Variants in BDP1 observed in about 807,000 individuals in gnomAD.
BDP1 encodes the protein transcription factor TFIIIB component B'' homolog.
BDP1 carries 169 observed loss-of-function variants against 266.6 expected under a neutral mutation model. The ratio of observed to expected loss-of-function variants is 0.63; its 90% CI spans 0.56 to 0.72. The LOEUF is 0.72. Ranked by LOEUF, BDP1 falls within the 30% of genes least tolerant of loss-of-function variation. The pLI is 0.00. For synonymous variants in BDP1, 1,090 were observed against 1,022.4 expected (o/e 1.07, Z -1.26); for missense variants, 3,015 against 3,053.8 (o/e 0.99, Z 0.30).
chr5:71,512,726 G>C (rs1045330481), intron 18 of BDP1, among the ~76,000 whole-genome samples: 1 of 152,030 alleles, frequency 6.6e-6, no homozygotes, highest in East Asian at 1.9e-4. Flanking sequence ...TGGTTTTCAG[G>C]ATCTGCCAGA....
At chr5:71,542,646 A>G (rs1022113690) in intron 30 of BDP1, among the ~76,000 whole-genome samples, 3 of 151,908 alleles carry the variant, frequency 2.0e-5, no homozygotes, top group Non-Finnish European at 4.4e-5. Flanking sequence ...CTTGAGCCCA[A>G]GAGTTCGAGG....
rs566811875 is a variant in BDP1, at chr5:71,496,242, A to C, written c.1799+834A>C. On this transcript the variant is annotated intron_variant, in intron 12 of 38. Transcript: ENST00000358731. ...GGGCGACAGAGCGAGACTCCATTTC[A>C]AAAAAAAAAAAAAAAGAAAGCTATT... Among the ~76,000 whole-genome samples, 10 of 39,244 alleles carry C rather than the reference A, an allele frequency of 2.5e-4. No homozygotes were observed. In the South Asian group the frequency reaches 5.3e-3, roughly 21 times the overall value. 25.7% of individuals were successfully genotyped at this position (39,244 alleles called of 152,430 possible). A position where few individuals can be genotyped will look rare whatever the true frequency, so the allele number is the denominator to read the frequency against.
At chr5:71,457,673 C>T (rs1561659625) in intron 1 of BDP1, among the ~76,000 whole-genome samples, 1 of 151,968 alleles carries the variant, frequency 6.6e-6, no homozygotes, top group Non-Finnish European at 1.5e-5. Flanking sequence ...TATATTCTGT[C>T]ATTATGCATT....
In BDP1 at chr5:71,551,527, G is replaced by A. The variant is rs531724620; in HGVS notation, c.6996-1589G>A. ...TGTCTACTTCTTTCTACACAGACAC[G>A]GCAACCATCCGATTTCTCAATCTTT... On this transcript the variant is annotated intron_variant, in intron 34 of 38. Coordinates refer to ENST00000358731, the MANE Select transcript of BDP1 (RefSeq NM_018429.3). Among the ~76,000 whole-genome samples the A allele has an allele frequency of 2.8e-4, 43 of 152,268 alleles. 1 individual carries two copies. Among genetic ancestry groups the A allele is most frequent in the Middle Eastern group, 6.8e-3 (2 of 294 alleles).
chr5:71,508,237 T>C (rs1166381229), intron 16 of BDP1, among the ~76,000 whole-genome samples: 1 of 152,200 alleles, frequency 6.6e-6, no homozygotes, highest in Non-Finnish European at 1.5e-5. Context: ...AATGCTGGGA[T>C]TACAGGCTGA....
intron 6 of BDP1, among the ~76,000 whole-genome samples, chr5:71,469,842 C>CT (rs35377501): frequency 0.44 from 54,392 of 123,678 alleles, 12,140 homozygotes; most frequent in South Asian, 0.54. Flanking sequence ...GTCTCAAACT[C>CT]TTTTTTTTTT....
rs73775118 is a variant in BDP1 at position 71,510,456 on chromosome 5, G to A, written c.3364G>A (p.Gly1122Arg). The A allele has an allele frequency of 3.3e-3, 5,340 of 1,613,498 alleles. 12 individuals are homozygous for A. The highest frequency in any genetic ancestry group is 4.2e-3 in the Non-Finnish European group (4,959 of 1,179,898). ...AATGCAAACAGATTTGAAAGCAACC[G>A]GAAGGGAGATTTCCCCAAGGGAGAA... is the stretch of plus-strand genomic sequence containing the variant. Reference protein sequence around the residue: ...GEMQTDLKATGREISPREKTP... With the variant: ...GEMQTDLKATRREISPREKTP... Residue 1122 changes from glycine to arginine, a missense_variant, in exon 17 of 39, where the codon GGA becomes AGA. By Grantham distance (125) the Gly-to-Arg change is moderately radical. Around this residue, in one of 3 missense-constraint regions of BDP1, gnomAD observed 2,383 missense variants for 2,404.9 expected, o/e 0.99. Transcript: ENST00000358731.
intron 25 of BDP1, among the ~76,000 whole-genome samples, chr5:71,530,831 A>T (rs886673254): frequency 2.6e-5 from 4 of 152,200 alleles, no homozygotes; most frequent in Non-Finnish European, 5.9e-5. Flanking sequence ...TAGTCCCAGC[A>T]CTTTGGGAAG....
chr5:71,544,714 C>A (rs1742132177), intron 31 of BDP1, among the ~76,000 whole-genome samples: 1 of 151,610 alleles, frequency 6.6e-6, no homozygotes. Context: ...CCCGTCTCTA[C>A]TAAAAAATAC....
intron 13 of BDP1, among the ~76,000 whole-genome samples, chr5:71,500,267 G>A (rs1358834631): frequency 1.6e-5 from 2 of 128,506 alleles, no homozygotes; most frequent in African/African-American, 3.0e-5. Context: ...AAAATTACTT[G>A]TAATTTTTTT....
chr5:71,464,867 C>T (rs964481458), intron 4 of BDP1, among the ~76,000 whole-genome samples: 1 of 151,650 alleles, frequency 6.6e-6, no homozygotes, highest in Non-Finnish European at 1.5e-5. Flanking sequence ...TACGGGTGTG[C>T]GCCACCATGC....
intron 8 of BDP1, among the ~76,000 whole-genome samples, 154 bp downstream of exon 8, chr5:71,484,050 G>A (rs1161853459): frequency 6.6e-6 from 1 of 152,150 alleles, no homozygotes; most frequent in African/African-American, 2.4e-5. Flanking sequence ...AGCAGTATGG[G>A]TCTGGCACTT....
chr5:71,552,020 G>A (rs935396217), intron 34 of BDP1, among the ~76,000 whole-genome samples: 3 of 149,634 alleles, frequency 2.0e-5, no homozygotes, highest in Non-Finnish European at 3.0e-5. Flanking sequence ...CCTCCCTCCC[G>A]GACGGGGTGG....
At chr5:71,518,535 C>G (rs1316209978) in intron 22 of BDP1, among the ~76,000 whole-genome samples, 3 of 152,000 alleles carry the variant, frequency 2.0e-5, no homozygotes, top group Non-Finnish European at 4.4e-5. Flanking sequence ...ACTGCAGCCT[C>G]AACTTCCTGG....
chr5:71,514,855 C>T (rs1765137839), intron 19 of BDP1, 89 bp from the exon 20 acceptor site: 5 of 884,550 alleles, frequency 5.7e-6, no homozygotes, highest in Non-Finnish European at 8.5e-6. Flanking sequence ...TATTATTCTT[C>T]ACGAAGATGA....
In BDP1 at chr5:71,524,173, AGAT is replaced by A. The variant is rs759553707; in HGVS notation, c.5630_5632del (p.Asp1877del). The A allele has an allele frequency of 4.0e-5, 64 of 1,614,208 alleles. No homozygotes were observed. In the African/African-American group the frequency reaches 7.1e-4, roughly 18 times the overall value. ...TGACTCTTCGGGCTTCCCAGGAAGA[AGAT>A]GATGATGCTGACGATTTTGAGTCTG... On this transcript the variant is annotated inframe_deletion, in exon 25 of 39. Transcript: ENST00000358731.
At chr5:71,548,123 T>G (rs1034036904) in intron 32 of BDP1, among the ~76,000 whole-genome samples, 1 of 151,446 alleles carries the variant, frequency 6.6e-6, no homozygotes, top group Admixed American at 6.6e-5. Flanking sequence ...TCTCTACCCT[T>G]GAAAAATACA....
At chr5:71,471,300 G>A (rs1762234896) in intron 7 of BDP1, among the ~76,000 whole-genome samples, 1 of 151,678 alleles carries the variant, frequency 6.6e-6, no homozygotes, top group Non-Finnish European at 1.5e-5. Context: ...ACACCACCAC[G>A]CCCAGCTAAT....
At chr5:71,473,142 C>A (rs1762366181) in intron 7 of BDP1, among the ~76,000 whole-genome samples, 1 of 151,716 alleles carries the variant, frequency 6.6e-6, no homozygotes, top group African/African-American at 2.4e-5. Context: ...GCTTTGGCCT[C>A]CCAAAGTTCT....
Sources: gnomAD v4.1 joint callset for allele counts (sites outside exome capture counted in the v4.1 genomes callset) on GRCh38, gnomAD v4.1.1 for gene constraint, gnomAD v4.1.1 regional missense constraint, MANE v1.5 for transcripts, NCBI Gene and HGNC (gene_info 2026-07-23, HGNC 2026-07-21) for gene names.